Variants in MACROD2 observed in about 807,000 individuals in gnomAD.
MACROD2 encodes ADP-ribose glycohydrolase MACROD2.
MACROD2 carries 36 observed loss-of-function variants against 70.4 expected under a neutral mutation model. The ratio of observed to expected loss-of-function variants is 0.51; its 90% CI spans 0.39 to 0.68. The LOEUF (loss-of-function observed/expected upper bound fraction) is 0.68. Ranked by LOEUF, MACROD2 falls within the 30% of genes least tolerant of loss-of-function variation. The pLI, the probability that MACROD2 is intolerant of heterozygous loss-of-function variation, is 0.00. For synonymous variants in MACROD2, 172 were observed against 178.8 expected (o/e 0.96, Z 0.30); for missense variants, 496 against 538.4 (o/e 0.92, Z 0.78).
intron 8 of MACROD2, among the ~76,000 whole-genome samples, chr20:15,860,012 G>A (rs1253074999): frequency 1.3e-5 from 2 of 152,266 alleles, no homozygotes; most frequent in East Asian, 1.9e-4. Context: ...GCATGTGCCT[G>A]TAGTCCCAAC....
intron 5 of MACROD2, among the ~76,000 whole-genome samples, chr20:14,823,776 T>TG (rs2072873205): frequency 6.6e-6 from 1 of 152,016 alleles, no homozygotes. Flanking sequence ...TGGTGGCTTT[T>TG]TTTGTTTGTT....
At chr20:15,694,031 CA>C (rs1299457869) in intron 8 of MACROD2, among the ~76,000 whole-genome samples, 1 of 152,166 alleles carries the variant, frequency 6.6e-6, no homozygotes, top group Non-Finnish European at 1.5e-5. Context: ...TAAGTCACTG[CA>C]AATGCTGTTA....
chr20:14,878,402 T>C lies in MACROD2; in HGVS notation c.418+193443T>C, dbSNP rs999009589. ...AGCATGATTAGTTGGGGCACATTCA[T>C]ATTTTTTTGTTAGGGAGTCTATGTC... On this transcript the variant is annotated intron_variant, in intron 5 of 17. Transcript: ENST00000684519. 2.6e-5 allele frequency among the ~76,000 whole-genome samples: 4 copies of C among 152,294 alleles called. No individual in the cohort carries two copies. In the South Asian group the frequency reaches 6.2e-4, roughly 24 times the overall value.
At chr20:14,338,151 C>T (rs1179182182) in intron 3 of MACROD2, among the ~76,000 whole-genome samples, 3 of 152,142 alleles carry the variant, frequency 2.0e-5, no homozygotes, top group Admixed American at 6.5e-5. Flanking sequence ...CCTCTAATTC[C>T]GGCACTTTGG....
chr20:15,433,186 A>G (rs1263100946), intron 7 of MACROD2, among the ~76,000 whole-genome samples: 1 of 152,042 alleles, frequency 6.6e-6, no homozygotes, highest in Non-Finnish European at 1.5e-5. Flanking sequence ...TCAACATAGC[A>G]CTGGAAATTT....
At chr20:14,263,285 A>C (rs1399398733) in intron 3 of MACROD2, among the ~76,000 whole-genome samples, 2 of 152,218 alleles carry the variant, frequency 1.3e-5, no homozygotes, top group African/African-American at 4.8e-5. Context: ...AGAATTGGAA[A>C]GCTAAATAGG....
chr20:14,616,886 C>T (rs1392243289), intron 4 of MACROD2, among the ~76,000 whole-genome samples: 1 of 152,104 alleles, frequency 6.6e-6, no homozygotes, highest in South Asian at 2.1e-4. Context: ...CCCAGCTAGT[C>T]ACTTTGTGAA....
chr20:15,352,623 T>C (rs531557235), intron 6 of MACROD2, among the ~76,000 whole-genome samples: 1 of 152,298 alleles, frequency 6.6e-6, no homozygotes, highest in Non-Finnish European at 1.5e-5. Flanking sequence ...GGTAATATCC[T>C]TTGTTAAAGA....
chr20:14,157,515 T>TTGTTATATATATACAACAA (rs2055119704), intron 3 of MACROD2, among the ~76,000 whole-genome samples: 2 of 152,060 alleles, frequency 1.3e-5, no homozygotes, highest in Non-Finnish European at 2.9e-5. Context: ...AACTGTATAT[T>TTGTTATATATATACAACAA]TGTACCCATT....
At chr20:14,567,013 A>G (rs1979853302) in intron 4 of MACROD2, 1 of 151,846 alleles carries the variant, frequency 6.6e-6, no homozygotes, top group Non-Finnish European at 1.5e-5. Flanking sequence ...GTGACTATTT[A>G]TAAGCATGAT....
intron 6 of MACROD2, among the ~76,000 whole-genome samples, chr20:15,374,491 A>G (rs1245498138): frequency 6.6e-6 from 1 of 152,092 alleles, no homozygotes; most frequent in Non-Finnish European, 1.5e-5. Flanking sequence ...ATATCTTTAC[A>G]TGTTTACCTT....
chr20:14,381,619 G>A (rs2083420829), intron 3 of MACROD2, among the ~76,000 whole-genome samples: 1 of 152,146 alleles, frequency 6.6e-6, no homozygotes, highest in Admixed American at 6.6e-5. Context: ...ATTATAAGAA[G>A]GAAGATAGTA....
chr20:14,938,003 G>GTTTT (rs56254441), intron 5 of MACROD2, among the ~76,000 whole-genome samples: 2 of 136,028 alleles, frequency 1.5e-5, no homozygotes, highest in Non-Finnish European at 1.6e-5. Context: ...CAGATAACAA[G>GTTTT]TTTTTTTTTT....
intron 16 of MACROD2, among the ~76,000 whole-genome samples, chr20:16,042,163 C>G (rs2067316155): frequency 6.6e-6 from 1 of 152,036 alleles, no homozygotes; most frequent in African/African-American, 2.4e-5. Context: ...TTCCCACCGG[C>G]TTATCATCAC....
At chr20:14,983,850 A>G (rs2074824499) in intron 5 of MACROD2, among the ~76,000 whole-genome samples, 1 of 152,230 alleles carries the variant, frequency 6.6e-6, no homozygotes, top group Non-Finnish European at 1.5e-5. Flanking sequence ...TGATACTGGT[A>G]ATATGAATGG....
intron 3 of MACROD2, among the ~76,000 whole-genome samples, chr20:14,343,337 C>T (rs2083034080): frequency 6.6e-6 from 1 of 151,820 alleles, no homozygotes; most frequent in Admixed American, 6.6e-5. Context: ...TCTATGTGGC[C>T]CTGAGAAAAT....
At chr20:14,609,467 A>G (rs1271020246) in intron 4 of MACROD2, among the ~76,000 whole-genome samples, 2 of 152,084 alleles carry the variant, frequency 1.3e-5, no homozygotes, top group East Asian at 1.9e-4. Flanking sequence ...GGAAGTACTT[A>G]AAGGTCACTT....
intron 5 of MACROD2, among the ~76,000 whole-genome samples, chr20:15,046,541 G>A (rs1353504785): frequency 6.6e-6 from 1 of 152,178 alleles, no homozygotes; most frequent in Non-Finnish European, 1.5e-5. Context: ...ACCTAGGTAT[G>A]TGTGCGCACA....
chr20:14,625,025 A>G (rs1984056916), intron 4 of MACROD2, among the ~76,000 whole-genome samples: 1 of 151,970 alleles, frequency 6.6e-6, no homozygotes, highest in Non-Finnish European at 1.5e-5. Context: ...CTGGTGAGGG[A>G]CCTAGGAGAG....
Sources: gnomAD v4.1 joint callset for allele counts (sites outside exome capture counted in the v4.1 genomes callset) on GRCh38, gnomAD v4.1.1 for gene constraint, MANE v1.5 for transcripts, NCBI Gene and HGNC (gene_info 2026-07-23, HGNC 2026-07-21) for gene names.